Variants in PIK3C2G observed in about 807,000 individuals in gnomAD.
PIK3C2G encodes the protein phosphatidylinositol-4-phosphate 3-kinase catalytic subunit type 2 gamma.
In PIK3C2G, 168 loss-of-function variants were observed where a neutral mutation model predicts 181.1. The observed-to-expected ratio is 0.93, with a 90% CI of 0.82 to 1.05. The LOEUF (loss-of-function observed/expected upper bound fraction) is 1.05, where lower values mean the gene tolerates loss of function less well. PIK3C2G is among the 50% of genes least tolerant of loss of function. The probability of loss-of-function intolerance (pLI) is 0.00; values close to 1 mark genes in which losing one functional copy is unlikely to be tolerated. For synonymous variants in PIK3C2G, 573 were observed against 592.2 expected, an observed-to-expected ratio of 0.97 and a Z score of 0.47; for missense variants, 1,869 against 1,732.8, an observed-to-expected ratio of 1.08 and a Z score of -1.40.
chr12:18,405,235 T>C (rs571792402), intron 16 of PIK3C2G, among the ~76,000 whole-genome samples: 7 of 152,318 alleles, frequency 4.6e-5, no homozygotes, highest in African/African-American at 1.7e-4. Context: ...GTCTGAATTT[T>C]AGCAGATAAA....
At chr12:18,492,577 C>A (rs1053401277) in intron 20 of PIK3C2G, among the ~76,000 whole-genome samples, 2 of 152,256 alleles carry the variant, frequency 1.3e-5, no homozygotes, top group South Asian at 4.1e-4. Context: ...ACTTTTTCAT[C>A]ATCAGCAGTA....
chr12:18,687,527 A>G, the PIK3C2G span, among the ~76,000 whole-genome samples: 1 of 152,104 alleles, frequency 6.6e-6, no homozygotes, highest in African/African-American at 2.4e-5. Flanking sequence ...ACTGTGTAAG[A>G]TGTCATAGCA....
chr12:18,353,405 A>G (rs1940421317), intron 11 of PIK3C2G, among the ~76,000 whole-genome samples: 1 of 152,234 alleles, frequency 6.6e-6, no homozygotes, highest in African/African-American at 2.4e-5. Context: ...CAAAGATTAC[A>G]GAAAGAAGAA....
chr12:18,359,118 T>C (rs1235401116), intron 11 of PIK3C2G, among the ~76,000 whole-genome samples: 1 of 152,220 alleles, frequency 6.6e-6, no homozygotes, highest in Non-Finnish European at 1.5e-5. Context: ...CTGGGCAAGA[T>C]GCTCTCCTCA....
intron 18 of PIK3C2G, among the ~76,000 whole-genome samples, chr12:18,463,878 T>A (rs919011832): frequency 2.0e-5 from 3 of 152,118 alleles, no homozygotes; most frequent in Non-Finnish European, 4.4e-5. Context: ...GCCAGATCTA[T>A]GAAGATCAAA....
intron 1 of PIK3C2G, among the ~76,000 whole-genome samples, chr12:18,274,865 G>A (rs1030842514): frequency 3.3e-5 from 5 of 152,044 alleles, no homozygotes; most frequent in African/African-American, 7.2e-5. Context: ...GTTGAACTAC[G>A]TATATGTTGT....
chr12:18,571,040 G>T (rs567573787), intron 29 of PIK3C2G, among the ~76,000 whole-genome samples: 4 of 150,514 alleles, frequency 2.7e-5, no homozygotes, highest in African/African-American at 1.0e-4. Flanking sequence ...TCTAGTAAAG[G>T]TTTGATTGCA....
intron 10 of PIK3C2G, among the ~76,000 whole-genome samples, chr12:18,344,768 T>C (rs1022974182): frequency 6.6e-6 from 1 of 152,112 alleles, no homozygotes; most frequent in Non-Finnish European, 1.5e-5. Context: ...ATAACTCTTT[T>C]CCAGAGTAAA....
At chr12:18,613,647 G>T (rs1948454193) in intron 31 of PIK3C2G, among the ~76,000 whole-genome samples, 2 of 151,918 alleles carry the variant, frequency 1.3e-5, no homozygotes, top group African/African-American at 4.8e-5. Flanking sequence ...CACAATACAG[G>T]CATCTCTTGG....
the PIK3C2G span, among the ~76,000 whole-genome samples, chr12:18,664,007 T>A: frequency 1.8e-4 from 28 of 152,190 alleles, no homozygotes; most frequent in Non-Finnish European, 2.4e-4. Flanking sequence ...ATGCTCAACA[T>A]CACTAATCAT....
At chr12:18,276,629 G>C (rs904208066) in intron 1 of PIK3C2G, among the ~76,000 whole-genome samples, 2 of 152,112 alleles carry the variant, frequency 1.3e-5, no homozygotes, top group Non-Finnish European at 2.9e-5. Flanking sequence ...AATGGAGCCT[G>C]TGTGTATTAA....
At chr12:18,389,372 T>C (rs1943391706) in intron 14 of PIK3C2G, among the ~76,000 whole-genome samples, 1 of 151,090 alleles carries the variant, frequency 6.6e-6, no homozygotes, top group South Asian at 2.1e-4. Flanking sequence ...AAAAAGAAAT[T>C]TGAGACCAAA....
downstream of PIK3C2G, among the ~76,000 whole-genome samples, chr12:18,651,104 C>A (rs1950495801): frequency 6.6e-6 from 1 of 151,980 alleles, no homozygotes; most frequent in South Asian, 2.1e-4. Context: ...CTGATTTTAA[C>A]TCTTATTATA....
In PIK3C2G at chr12:18,282,173, A is replaced by T; in HGVS notation, c.92A>T (p.His31Leu). 6.2e-7 allele frequency: 1 copy of T among 1,612,112 alleles called. No individual in the cohort carries two copies. The highest frequency in any genetic ancestry group is 8.5e-7 in the Non-Finnish European group (1 of 1,178,750). ...HQEFLFVNQPHSSSQVSLGFD... is the reference protein window; with the variant it reads ...HQEFLFVNQPLSSSQVSLGFD... The stretch of plus-strand genomic sequence containing the variant: ...GAATTTCTCTTTGTAAATCAACCCC[A>T]TTCTTCTAGCCAAGTCAGTCTGGGT... Residue 31 changes from histidine to leucine, a missense_variant, in exon 2 of 33, where the codon CAT becomes CTT. His to Leu is a moderately conservative substitution (Grantham distance 99). Transcript: ENST00000538779.
intron 15 of PIK3C2G, 22 bp from the exon 16 acceptor site, chr12:18,399,637 A>C: frequency 6.7e-7 from 1 of 1,486,964 alleles, no homozygotes; most frequent in East Asian, 2.3e-5. Flanking sequence ...AGTAAATTAC[A>C]GTTTCCAATC....
In PIK3C2G at chr12:18,570,940, G is replaced by A. The variant is rs894428213; in HGVS notation, c.4011+3883G>A. ...AACTTATATTCAAAATAAATGCCAC[G>A]GCAAAGGAAAATTATAGAGATTCAC... On this transcript the variant is annotated intron_variant, in intron 29 of 32. Coordinates refer to ENST00000538779, the MANE Select transcript of PIK3C2G (RefSeq NM_001288772.2). Among the ~76,000 whole-genome samples, 6 of 150,652 alleles carry A rather than the reference G, an allele frequency of 4.0e-5. 1 individual carries two copies. The highest frequency in any genetic ancestry group is 2.6e-4 in the Admixed American group (4 of 15,168).
chr12:18,280,811 A>G (rs1049872571), intron 1 of PIK3C2G, among the ~76,000 whole-genome samples: 2 of 152,038 alleles, frequency 1.3e-5, no homozygotes, highest in African/African-American at 4.8e-5. Flanking sequence ...ACAATATTTC[A>G]AGTGAAAATA....
rs575508871 is a variant in PIK3C2G at position 18,341,654 on chromosome 12, GC to G, written c.1396-1670del. ...TTTTTCCATCCCATTTTAAATGTGA[GC>G]CCACCTATGTAAGAGTACTGGCACA... On this transcript the variant is annotated intron_variant, in intron 9 of 32. Coordinates refer to ENST00000538779, the MANE Select transcript of PIK3C2G (RefSeq NM_001288772.2). 2.9e-3 allele frequency among the ~76,000 whole-genome samples: 440 copies of G among 152,084 alleles called. 1 individual carries two copies. The highest frequency in any genetic ancestry group is 9.8e-3 in the African/African-American group (407 of 41,478).
chr12:18,433,237 C>T (rs1029718930), intron 18 of PIK3C2G, among the ~76,000 whole-genome samples: 3 of 152,094 alleles, frequency 2.0e-5, no homozygotes, highest in South Asian at 2.1e-4. Context: ...AAATGTGTCC[C>T]GGCGTGGTGG....
Sources: gnomAD v4.1 joint callset for allele counts (sites outside exome capture counted in the v4.1 genomes callset) on GRCh38, gnomAD v4.1.1 for gene constraint, MANE v1.5 for transcripts, NCBI Gene and HGNC (gene_info 2026-07-23, HGNC 2026-07-21) for gene names.